The following CDC20B variants were observed in gnomAD, a reference collection of about 807,000 sequenced individuals.
CDC20B encodes the protein cell division cycle protein 20 homolog B.
Under a neutral mutation model 64.1 loss-of-function variants are expected in CDC20B, and 58 were observed. That is an observed-to-expected ratio of 0.90 (90% CI 0.73 to 1.13). CDC20B has a LOEUF of 1.13. Ranked by LOEUF, CDC20B falls within the 50% of genes most tolerant of loss-of-function variation. CDC20B has a pLI of 0.00. For synonymous variants in CDC20B, 243 were observed against 230.6 expected, an observed-to-expected ratio of 1.05 and a Z score of -0.49; for missense variants, 597 against 633.0, an observed-to-expected ratio of 0.94 and a Z score of 0.61.
chr5:55,139,343 G>A (rs1340971720), intron 5 of CDC20B, among the ~76,000 whole-genome samples: 1 of 152,140 alleles, frequency 6.6e-6, no homozygotes, highest in Admixed American at 6.5e-5. Flanking sequence ...CCCAAAAATA[G>A]TGGATATAAT....
At chr5:55,134,876 G>A (rs1743121564) in intron 5 of CDC20B, among the ~76,000 whole-genome samples, 1 of 152,150 alleles carries the variant, frequency 6.6e-6, no homozygotes, top group Non-Finnish European at 1.5e-5. Context: ...ACAGTAAAAA[G>A]GTTTCTATGG....
chr5:55,140,713 C>T (rs756552017), intron 4 of CDC20B, among the ~76,000 whole-genome samples: 1 of 152,136 alleles, frequency 6.6e-6, no homozygotes, highest in African/African-American at 2.4e-5. Flanking sequence ...TTAGCCTATA[C>T]ACCATAGGCC....
In CDC20B at chr5:55,114,149, G is replaced by C; in HGVS notation, c.*69C>G. 6.5e-7 allele frequency: 1 copy of C among 1,550,324 alleles called. No homozygotes were observed. The highest frequency in any genetic ancestry group is 8.7e-7 in the Non-Finnish European group (1 of 1,148,132). ...GTTTGATACTCATAAAAACCCCATG[G>C]AGAAGACATAGCCAACATCATCATC... On this transcript the variant is annotated 3_prime_UTR_variant, in exon 12 of 12. Transcript: ENST00000381375. The surrounding 1 kb of genome is among the most constrained non-coding windows in gnomAD (Gnocchi z 4.1).
chr5:55,169,040 C>T (rs1426926962), intron 2 of CDC20B, among the ~76,000 whole-genome samples: 1 of 152,106 alleles, frequency 6.6e-6, no homozygotes, highest in African/African-American at 2.4e-5. Context: ...AAAGCCAAAG[C>T]TTCTAAATTT....
chr5:55,164,400 G>A (rs1744269401), intron 2 of CDC20B: 1 of 387,602 alleles, frequency 2.6e-6, no homozygotes, highest in East Asian at 3.8e-5. Context: ...GGCAATGAAG[G>A]ATTTTTTTTT....
intron 2 of CDC20B, among the ~76,000 whole-genome samples, chr5:55,149,362 A>T (rs1743594811): frequency 6.6e-6 from 1 of 152,232 alleles, no homozygotes; most frequent in Non-Finnish European, 1.5e-5. Context: ...AAGCAAGTCC[A>T]CTCATAGGTA....
chr5:55,140,081 T>C (rs1205422562), intron 5 of CDC20B, among the ~76,000 whole-genome samples: 1 of 151,858 alleles, frequency 6.6e-6, no homozygotes, highest in East Asian at 1.9e-4. Context: ...ATTTAGAAAA[T>C]AGATGTAAAT....
chr5:55,149,055 T>G (rs1400938930), intron 2 of CDC20B, among the ~76,000 whole-genome samples: 1 of 152,168 alleles, frequency 6.6e-6, no homozygotes, highest in Admixed American at 6.5e-5. Flanking sequence ...GACTAAGTGT[T>G]TACCAGTGGA....
At chr5:55,164,342 T>A in intron 2 of CDC20B, 14 of 540,322 alleles carry the variant, frequency 2.6e-5, no homozygotes, top group Non-Finnish European at 3.8e-5. Flanking sequence ...CAGTAGTGCG[T>A]TCTCAGCTCA....
chr5:55,138,211 A>G, intron 5 of CDC20B, among the ~76,000 whole-genome samples: 1 of 148,500 alleles, frequency 6.7e-6, no homozygotes, highest in East Asian at 2.0e-4. Flanking sequence ...CCCAGGCTGG[A>G]GTGCAGTGGC....
chr5:55,120,550 C>A lies in CDC20B; in HGVS notation c.1216G>T (p.Ala406Ser), dbSNP rs768627685. The change falls in exon 10 of 12, where the codon GCC becomes TCC. Residue 406 changes from alanine (A) to serine (S), a missense_variant and splice_region_variant. Transcript: ENST00000381375. Reference protein sequence around the residue: ...KVITQSTAVKAMDWCPWQSGV... With the variant: ...KVITQSTAVKSMDWCPWQSGV... Reference sequence around the variant, plus strand: ...GACTGCCAGGGACACCAATCCATGGCCTTTAAAGTTTCACATAATAGCACA... The same window carrying A: ...GACTGCCAGGGACACCAATCCATGGACTTTAAAGTTTCACATAATAGCACA... 5.3e-5 allele frequency: 86 copies of A among 1,613,066 alleles called. No homozygotes were observed. Among genetic ancestry groups the A allele is most frequent in the Non-Finnish European group, 7.0e-5 (82 of 1,179,418 alleles).
At chr5:55,171,925 AG>A (rs1158738343) in intron 2 of CDC20B, among the ~76,000 whole-genome samples, 3 of 152,220 alleles carry the variant, frequency 2.0e-5, no homozygotes, top group African/African-American at 7.2e-5. Flanking sequence ...TATAAGATCT[AG>A]AAAAATCTAT....
intron 2 of CDC20B, chr5:55,160,265 A>G (rs1743968847): frequency 1.9e-6 from 3 of 1,614,026 alleles, no homozygotes; most frequent in East Asian, 4.5e-5. Context: ...TTTGCTGTCT[A>G]TAGTTCTATG....
chr5:55,120,428 T>C lies in CDC20B; in HGVS notation c.1338A>G (p.Ser446=). ...GAAGCCCAGAGGAGATATTAACCTGTGAGTTTGTGCTTGGGGTCTGGATGC... is the reference window on the plus strand; with the variant it reads ...GAAGCCCAGAGGAGATATTAACCTGCGAGTTTGTGCTTGGGGTCTGGATGC... ...GKSIQTPSTN[S]QICSLIWLPK... The change falls in exon 10 of 12, where the codon TCA becomes TCG. Residue 446 remains serine, a synonymous_variant. Coordinates refer to ENST00000381375, the MANE Select transcript of CDC20B (RefSeq NM_001170402.1). The C allele has an allele frequency of 6.2e-7, 1 of 1,611,844 alleles. No homozygotes were observed. The highest frequency in any genetic ancestry group is 8.5e-7 in the Non-Finnish European group (1 of 1,178,170).
intron 2 of CDC20B, among the ~76,000 whole-genome samples, chr5:55,167,547 G>T (rs1267411029): frequency 6.6e-6 from 1 of 151,718 alleles, no homozygotes; most frequent in Admixed American, 6.6e-5. Context: ...TAGTAACTAG[G>T]ATGCAAAATT....
At chr5:55,140,176 T>C in intron 5 of CDC20B, 138 bp downstream of exon 5, 1 of 503,580 alleles carries the variant, frequency 2.0e-6, no homozygotes, top group Middle Eastern at 4.8e-4. Flanking sequence ...CAGAGGATTA[T>C]GAGAATTATT....
At chr5:55,126,398 T>G in intron 8 of CDC20B, 1 of 170,716 alleles carries the variant, frequency 5.9e-6, no homozygotes, top group Non-Finnish European at 1.1e-5. Context: ...ACTCGGGAGG[T>G]GGAGGTTGCA....
intron 6 of CDC20B, among the ~76,000 whole-genome samples, chr5:55,130,232 TATA>T (rs1561289099): frequency 6.6e-6 from 1 of 151,534 alleles, no homozygotes; most frequent in African/African-American, 2.4e-5. Context: ...AATGGAAAAA[TATA>T]ATATCTGAAA....
chr5:55,129,455 G>C (rs984664381), intron 6 of CDC20B, among the ~76,000 whole-genome samples: 1 of 152,156 alleles, frequency 6.6e-6, no homozygotes, highest in Non-Finnish European at 1.5e-5. Flanking sequence ...TGGAGTGCCA[G>C]CGAAGACTCT....
Sources: allele counts gnomAD v4.1 joint callset (sites outside exome capture counted in the v4.1 genomes callset), GRCh38; gene constraint gnomAD v4.1.1; non-coding constraint Gnocchi (gnomAD v3.1); transcripts MANE v1.5; gene names NCBI Gene and HGNC (gene_info 2026-07-23, HGNC 2026-07-21).